LMF1: variants seen among roughly 807,000 people sequenced by gnomAD.
The protein encoded by LMF1 is transmembrane protein 112.
In LMF1, 68 loss-of-function variants were observed where a neutral mutation model predicts 60.6. The observed-to-expected ratio is 1.12, with a 90% CI of 0.92 to 1.37. The LOEUF (loss-of-function observed/expected upper bound fraction) is 1.37, where lower values mean the gene tolerates loss of function less well. Among genes scored for constraint, LMF1 ranks in the 40% most tolerant of loss-of-function variants. The pLI, the probability that LMF1 is intolerant of heterozygous loss-of-function variation, is 0.00. For synonymous variants in LMF1, 418 were observed against 324.7 expected, an observed-to-expected ratio of 1.29 and a Z score of -3.09; for missense variants, 948 against 767.2, an observed-to-expected ratio of 1.24 and a Z score of -2.78.
chr16:874,675 G>T lies in LMF1; in HGVS notation c.898-3334C>A, dbSNP rs1295480286. Among the ~76,000 whole-genome samples, 3 of 152,252 alleles carry T rather than the reference G, an allele frequency of 2.0e-5. No homozygotes were observed. The highest frequency in any genetic ancestry group is 2.0e-4 in the Admixed American group (3 of 15,310). ...GGAAGGATCACGGGAACCAGGACAG[G>T]CTCCGGGGGACGGTGCTCAGATGGG... is the stretch of plus-strand genomic sequence containing the variant. On this transcript the variant is annotated intron_variant, in intron 6 of 10. Coordinates refer to ENST00000262301, the MANE Select transcript of LMF1 (RefSeq NM_022773.4). This position sits in a 1 kb window ranked among gnomAD's most constrained non-coding sequence, Gnocchi z 4.1.
Position 878,747 on chromosome 16 carries a change from G to GGGCAGGGGC in LMF1, c.897+822_897+823insGCCCCTGCC, listed in dbSNP as rs2070071091. 7.0e-6 allele frequency among the ~76,000 whole-genome samples: 1 copy of GGGCAGGGGC among 142,868 alleles called. No individual in the cohort carries two copies. Among genetic ancestry groups the GGGCAGGGGC allele is most frequent in the Non-Finnish European group, 1.5e-5 (1 of 66,596 alleles). 93.7% of individuals were successfully genotyped at this position (142,868 alleles called of 152,430 possible). A position where few individuals can be genotyped will look rare whatever the true frequency, so the allele number is the denominator to read the frequency against. Reference sequence around the variant, plus strand: ...GGGTGGGCAGGGCAGGGGAAGGGCGGGGGCAGGGGCGGGCAGGGCAGGGGA... The same window carrying GGGCAGGGGC: ...GGGTGGGCAGGGCAGGGGAAGGGCGGGGCAGGGGCGGGCAGGGGCGGGCAGGGCAGGGGA... On this transcript the variant is annotated intron_variant, in intron 6 of 10. Transcript: ENST00000262301. The surrounding 1 kb of genome is among the most constrained non-coding windows in gnomAD (Gnocchi z 5.2).
intron 9 of LMF1, chr16:869,486 C>G (rs1268455224): frequency 1.3e-5 from 7 of 547,518 alleles, no homozygotes; most frequent in Non-Finnish European, 2.4e-5. Flanking sequence ...GACTGGAAGG[C>G]AACGCTGCCA....
chr16:927,909 C>T (rs1360085599), intron 3 of LMF1, among the ~76,000 whole-genome samples: 3 of 152,218 alleles, frequency 2.0e-5, no homozygotes, highest in Non-Finnish European at 4.4e-5. Flanking sequence ...CGCACACGCA[C>T]GGCGACACTT....
At chr16:861,759 C>T (rs1394441079) in intron 10 of LMF1, among the ~76,000 whole-genome samples, 2 of 152,180 alleles carry the variant, frequency 1.3e-5, no homozygotes, top group East Asian at 1.9e-4. Context: ...CCTTTGTGAT[C>T]GACACGCCTT....
At chr16:908,458 C>A (rs1216927565) in intron 4 of LMF1, among the ~76,000 whole-genome samples, 1 of 152,214 alleles carries the variant, frequency 6.6e-6, no homozygotes, top group Non-Finnish European at 1.5e-5. Flanking sequence ...AGACCCCACC[C>A]ACCCATGTTT....
chr16:931,829 C>G (rs902091846), intron 3 of LMF1: 6 of 1,273,036 alleles, frequency 4.7e-6, no homozygotes, highest in Non-Finnish European at 6.1e-6. Context: ...CTCAGGCTCA[C>G]GAGGGCTCTC....
chr16:956,400 G>A (rs2072706008), intron 1 of LMF1, among the ~76,000 whole-genome samples: 1 of 152,150 alleles, frequency 6.6e-6, no homozygotes, highest in Non-Finnish European at 1.5e-5. Context: ...CGTGAAGAAT[G>A]AAAAAGCAGT....
chr16:905,191 G>C, intron 4 of LMF1: 1 of 166,470 alleles, frequency 6.0e-6, no homozygotes, highest in Admixed American at 6.6e-5. Flanking sequence ...CCGCCCACAG[G>C]ACACCTGTCT....
At chr16:976,418 G>A in intron 1 of LMF1, 1 of 454,130 alleles carries the variant, frequency 2.2e-6, no homozygotes, top group Non-Finnish European at 4.4e-6. Context: ...GTTAGGGACA[G>A]GATTTACTGC....
At position 858,448 on chromosome 16, in the gene LMF1, G is replaced by GC. The variant is rs748149472; in HGVS notation, c.1530-3743_1530-3742insG. ...GTGAGTGGTGTCACGGGACGGGTGTGAGTGGTGACTCGGGACGGGTGTGCA... is the reference window on the plus strand; with the variant it reads ...GTGAGTGGTGTCACGGGACGGGTGTGCAGTGGTGACTCGGGACGGGTGTGCA... On this transcript the variant is annotated intron_variant, in intron 10 of 10. Coordinates refer to ENST00000262301, the MANE Select transcript of LMF1 (RefSeq NM_022773.4). Among the ~76,000 whole-genome samples, 29 of 43,008 alleles carry GC rather than the reference G, an allele frequency of 6.7e-4. 4 individuals are homozygous for GC. Among genetic ancestry groups the GC allele is most frequent in the Non-Finnish European group, 8.6e-4 (22 of 25,592 alleles). 28.2% of individuals were successfully genotyped at this position (43,008 alleles called of 152,430 possible).
intron 6 of LMF1, among the ~76,000 whole-genome samples, chr16:876,528 G>A (rs886215834): frequency 1.3e-5 from 2 of 152,212 alleles, no homozygotes; most frequent in East Asian, 3.8e-4. Flanking sequence ...GCAAGACGCT[G>A]AGCGCAGGGA....
chr16:856,131 CTG>C, intron 10 of LMF1: 1 of 369,370 alleles, frequency 2.7e-6, no homozygotes, highest in South Asian at 2.0e-5. Context: ...GCAGCCAAGA[CTG>C]AGGGTGATGC....
chr16:934,097 A>G, intron 3 of LMF1, 147 bp downstream of exon 3: 1 of 1,536,604 alleles, frequency 6.5e-7, no homozygotes, highest in Non-Finnish European at 8.7e-7. Flanking sequence ...TCAGATCACA[A>G]GCGCCCATCA....
chr16:953,373 C>G lies in LMF1; in HGVS notation c.503+984G>C, dbSNP rs1160182386. Among the ~76,000 whole-genome samples the G allele has an allele frequency of 2.1e-5, 2 of 95,818 alleles. 1 individual carries two copies. The highest frequency in any genetic ancestry group is 4.9e-5 in the Non-Finnish European group (2 of 40,842). 62.9% of individuals were successfully genotyped at this position (95,818 alleles called of 152,430 possible). A position where few individuals can be genotyped will look rare whatever the true frequency, so the allele number is the denominator to read the frequency against. On this transcript the variant is annotated intron_variant, in intron 2 of 10. Transcript: ENST00000262301. ...CGTTCACACAGACACGGACCCCAAA[C>G]CAGCCTCCTACACGTCCACACAGAC... is the stretch of plus-strand genomic sequence containing the variant.
At chr16:868,707 G>A (rs947182382) in intron 10 of LMF1, among the ~76,000 whole-genome samples, 1 of 148,624 alleles carries the variant, frequency 6.7e-6, no homozygotes, top group African/African-American at 2.5e-5. Flanking sequence ...TCTCACCACG[G>A]CTGGTTTGGT....
chr16:953,935 ACGTC>A (rs1567311752), intron 2 of LMF1, among the ~76,000 whole-genome samples: 5 of 94,030 alleles, frequency 5.3e-5, no homozygotes, highest in Non-Finnish European at 8.9e-5. Context: ...AGCTTCCTAC[ACGTC>A]CACACAGACA....
chr16:911,203 A>G, intron 3 of LMF1, 124 bp from the exon 4 acceptor site: 1 of 1,117,636 alleles, frequency 8.9e-7, no homozygotes. Flanking sequence ...CTACTGAGAG[A>G]CACCAGCCCG....
chr16:969,260 G>A (rs771452614), intron 1 of LMF1, among the ~76,000 whole-genome samples: 1 of 152,102 alleles, frequency 6.6e-6, no homozygotes, highest in Non-Finnish European at 1.5e-5. Context: ...GGTTGCAGTG[G>A]GCCGACATGG....
rs1314567949 is a variant in LMF1 at position 892,986 on chromosome 16, C to T, written c.729+21G>A. On this transcript the variant is annotated intron_variant, in intron 5 of 10. Coordinates refer to ENST00000262301, the MANE Select transcript of LMF1 (RefSeq NM_022773.4). The stretch of plus-strand genomic sequence containing the variant: ...GGCGTGAGACCGGGTGCCCTGCCCT[C>T]ACGCTGCACGGCACGCTCACCTCAT... 7 of 1,534,084 alleles carry T rather than the reference C, an allele frequency of 4.6e-6. No individual in the cohort carries two copies. In the East Asian group the frequency reaches 1.7e-4, roughly 38 times the overall value.
Sources: gnomAD v4.1 joint callset for allele counts (sites outside exome capture counted in the v4.1 genomes callset) on GRCh38, gnomAD v4.1.1 for gene constraint, Gnocchi (gnomAD v3.1) non-coding constraint, MANE v1.5 for transcripts, NCBI Gene and HGNC (gene_info 2026-07-23, HGNC 2026-07-21) for gene names.